Variants in PALLD observed in about 807,000 individuals in gnomAD.
PALLD encodes the protein palladin.
In PALLD, 61 loss-of-function variants were observed where a neutral mutation model predicts 123.5. That is an observed-to-expected ratio of 0.49 (90% CI 0.40 to 0.61). PALLD has a LOEUF of 0.61. Among genes scored for constraint, PALLD ranks in the 20% least tolerant of loss-of-function variants. The probability of loss-of-function intolerance (pLI) is 0.00; values close to 1 mark genes in which losing one functional copy is unlikely to be tolerated. For missense variants in PALLD, 1,273 were observed against 1,377.0 expected (o/e 0.92, Z 1.20); for synonymous variants, 465 against 496.4 (o/e 0.94, Z 0.84).
intron 10 of PALLD, among the ~76,000 whole-genome samples, chr4:168,838,304 C>T (rs1745486888): frequency 6.6e-6 from 1 of 152,150 alleles, no homozygotes; most frequent in South Asian, 2.1e-4. Context: ...GCCAAGAGCA[C>T]AGAGCTGATT....
chr4:168,601,234 C>T (rs1206551868), intron 2 of PALLD, among the ~76,000 whole-genome samples: 1 of 151,888 alleles, frequency 6.6e-6, no homozygotes, highest in Non-Finnish European at 1.5e-5. Flanking sequence ...AGGCATCTCT[C>T]ACATCCCGGG....
chr4:168,790,165 T>C (rs1029215627), intron 10 of PALLD, among the ~76,000 whole-genome samples: 2 of 150,754 alleles, frequency 1.3e-5, no homozygotes, highest in Non-Finnish European at 3.0e-5. Context: ...TTTCTTTTTT[T>C]TTTTTTTTTT....
chr4:168,508,655 T>C (rs1290551829), intron 1 of PALLD, among the ~76,000 whole-genome samples: 3 of 152,130 alleles, frequency 2.0e-5, no homozygotes, highest in Non-Finnish European at 2.9e-5. Context: ...CCATAATAAA[T>C]AAATAAATAA....
intron 10 of PALLD, among the ~76,000 whole-genome samples, chr4:168,833,407 A>G (rs529220653): frequency 6.6e-6 from 1 of 152,126 alleles, no homozygotes; most frequent in Non-Finnish European, 1.5e-5. Context: ...TCAACCTGGG[A>G]GTCTCTAGGA....
intron 10 of PALLD, among the ~76,000 whole-genome samples, chr4:168,858,768 T>G (rs1431531237): frequency 6.7e-6 from 1 of 149,426 alleles, no homozygotes; most frequent in Non-Finnish European, 1.5e-5. Context: ...GGCAACAGAA[T>G]GAGACCCAGT....
chr4:168,684,030 GGAATTTATAGAAATATTT>G (rs1355531737), intron 5 of PALLD, among the ~76,000 whole-genome samples: 1 of 152,090 alleles, frequency 6.6e-6, no homozygotes, highest in Non-Finnish European at 1.5e-5. Flanking sequence ...TAATCAGAGT[GGAATTTATAGAAATATTT>G]GATTAAATCA....
chr4:168,788,582 A>G (rs370578504), intron 10 of PALLD, among the ~76,000 whole-genome samples: 1 of 152,150 alleles, frequency 6.6e-6, no homozygotes, highest in Non-Finnish European at 1.5e-5. Context: ...TATCCATACA[A>G]TGTACAACAC....
At chr4:168,602,914 A>G (rs1772815394) in intron 2 of PALLD, among the ~76,000 whole-genome samples, 1 of 145,698 alleles carries the variant, frequency 6.9e-6, no homozygotes, top group Admixed American at 6.9e-5. Flanking sequence ...TGCAGCAGGC[A>G]CCACCATGCC....
chr4:168,799,264 G>A (rs951826872), intron 10 of PALLD, among the ~76,000 whole-genome samples: 1 of 152,144 alleles, frequency 6.6e-6, no homozygotes, highest in Admixed American at 6.5e-5. Flanking sequence ...ATTAAGTTAG[G>A]TTGCAATTCA....
intron 2 of PALLD, among the ~76,000 whole-genome samples, chr4:168,563,262 C>T (rs75946010): frequency 0.013 from 1,906 of 152,112 alleles, 42 homozygotes; most frequent in African/African-American, 0.04. Flanking sequence ...AGCAGTTGTA[C>T]GTAAGAATCT....
chr4:168,520,256 G>A (rs1193726218), intron 2 of PALLD, among the ~76,000 whole-genome samples: 2 of 150,482 alleles, frequency 1.3e-5, no homozygotes, highest in East Asian at 3.9e-4. Flanking sequence ...AATCCGGGAG[G>A]CGGAGCTTAC....
chr4:168,601,889 C>G (rs1222767092), intron 2 of PALLD, among the ~76,000 whole-genome samples: 1 of 152,144 alleles, frequency 6.6e-6, no homozygotes, highest in Non-Finnish European at 1.5e-5. Flanking sequence ...TCAGTATTTC[C>G]TCCTACCTCT....
At chr4:168,675,194 G>A (rs1308065178) in intron 3 of PALLD, among the ~76,000 whole-genome samples, 1 of 152,302 alleles carries the variant, frequency 6.6e-6, no homozygotes, top group South Asian at 2.1e-4. Flanking sequence ...CCTGAAATGT[G>A]GGATGAAGGA....
chr4:168,761,070 AAT>A (rs1490489405), intron 10 of PALLD, among the ~76,000 whole-genome samples: 1 of 152,204 alleles, frequency 6.6e-6, no homozygotes, highest in Non-Finnish European at 1.5e-5. Context: ...AGTGTTTATC[AAT>A]GTTAAGTTTG....
At chr4:168,807,373 A>G (rs1231121022) in intron 10 of PALLD, among the ~76,000 whole-genome samples, 1 of 152,088 alleles carries the variant, frequency 6.6e-6, no homozygotes, top group Admixed American at 6.6e-5. Flanking sequence ...AGTACTGTGC[A>G]ACATATTGAG....
At chr4:168,687,617 T>G (rs1782200807) in intron 6 of PALLD, among the ~76,000 whole-genome samples, 1 of 152,218 alleles carries the variant, frequency 6.6e-6, no homozygotes, top group Non-Finnish European at 1.5e-5. Context: ...AAAGATTTGC[T>G]TTCTTTCACT....
chr4:168,854,145 T>TTTA (rs1748224749), intron 10 of PALLD, among the ~76,000 whole-genome samples: 1 of 147,092 alleles, frequency 6.8e-6, no homozygotes, highest in African/African-American at 2.5e-5. Context: ...TACTACTGCC[T>TTTA]CTGTTTACTC....
chr4:168,551,231 A>G (rs1288568767), intron 2 of PALLD, among the ~76,000 whole-genome samples: 1 of 152,202 alleles, frequency 6.6e-6, no homozygotes, highest in African/African-American at 2.4e-5. Flanking sequence ...TATATTTTCA[A>G]ATGTTTTTAT....
At chr4:168,746,904 A>G (rs1241856374) in intron 10 of PALLD, among the ~76,000 whole-genome samples, 4 of 152,194 alleles carry the variant, frequency 2.6e-5, no homozygotes, top group African/African-American at 9.7e-5. Flanking sequence ...GGTACTTGAC[A>G]TTTTTCCAAG....
Sources: gnomAD v4.1 joint callset for allele counts (sites outside exome capture counted in the v4.1 genomes callset) on GRCh38, gnomAD v4.1.1 for gene constraint, MANE v1.5 for transcripts, NCBI Gene and HGNC (gene_info 2026-07-23, HGNC 2026-07-21) for gene names.